The following LINGO2 variants were observed in gnomAD, a reference collection of about 807,000 sequenced individuals.
The protein encoded by LINGO2 is leucine-rich repeat and immunoglobulin-like domain-containing nogo receptor-interacting protein 2.
LINGO2 carries 14 observed loss-of-function variants against 30.6 expected under a neutral mutation model. The ratio of observed to expected loss-of-function variants is 0.46; its 90% CI spans 0.30 to 0.72. The LOEUF is 0.72. Ranked by LOEUF, LINGO2 falls within the 30% of genes least tolerant of loss-of-function variation. The pLI, the probability that LINGO2 is intolerant of heterozygous loss-of-function variation, is 0.07. For missense variants in LINGO2, 729 were observed against 751.7 expected (o/e 0.97, Z 0.35); for synonymous variants, 317 against 288.5 (o/e 1.10, Z -1.00).
chr9:28,212,489 G>T (rs954925875), intron 4 of LINGO2, among the ~76,000 whole-genome samples: 1 of 151,150 alleles, frequency 6.6e-6, no homozygotes, highest in African/African-American at 2.4e-5. Context: ...GTTCATGTAC[G>T]ATGTACATAT....
chr9:28,603,234 G>A (rs2135754072), intron 1 of LINGO2, among the ~76,000 whole-genome samples: 1 of 152,124 alleles, frequency 6.6e-6, no homozygotes, highest in Admixed American at 6.6e-5. Flanking sequence ...GAAAACCAAT[G>A]ACTTGTATTT....
chr9:28,246,139 C>A (rs984293373), intron 4 of LINGO2, among the ~76,000 whole-genome samples: 1 of 151,990 alleles, frequency 6.6e-6, no homozygotes, highest in African/African-American at 2.4e-5. Flanking sequence ...AGAAATAAGA[C>A]CACATGCCAG....
chr9:28,368,886 G>A (rs143768597), intron 3 of LINGO2, among the ~76,000 whole-genome samples: 2 of 151,888 alleles, frequency 1.3e-5, no homozygotes, highest in African/African-American at 4.8e-5. Flanking sequence ...GTGAGCCACC[G>A]TGCCCAGCCT....
the LINGO2 span, among the ~76,000 whole-genome samples, chr9:28,679,270 A>G: frequency 6.6e-6 from 1 of 152,134 alleles, no homozygotes. Flanking sequence ...TATCAAAGCT[A>G]CAATACAGTT....
At chr9:28,501,155 A>C (rs1392273101) in intron 1 of LINGO2, among the ~76,000 whole-genome samples, 1 of 152,182 alleles carries the variant, frequency 6.6e-6, no homozygotes, top group East Asian at 1.9e-4. Flanking sequence ...TGTTGAACAA[A>C]AATTTTATCA....
the LINGO2 span, among the ~76,000 whole-genome samples, chr9:29,108,199 G>GA: frequency 1.3e-5 from 2 of 152,088 alleles, 1 homozygote; most frequent in Non-Finnish European, 2.9e-5. Flanking sequence ...TTAATTGGGA[G>GA]AAAACACACC....
the LINGO2 span, among the ~76,000 whole-genome samples, chr9:28,809,639 G>A: frequency 7.9e-5 from 12 of 151,728 alleles, no homozygotes; most frequent in East Asian, 1.9e-4. Flanking sequence ...CCAGCTACTC[G>A]GGAAGCTGAG....
the LINGO2 span, among the ~76,000 whole-genome samples, chr9:28,889,644 C>G: frequency 1.2e-4 from 19 of 152,142 alleles, no homozygotes; most frequent in South Asian, 3.9e-3. Flanking sequence ...TAACTGGAAT[C>G]TTTTCTACCA....
chr9:29,102,076 A>G, the LINGO2 span, among the ~76,000 whole-genome samples: 3 of 146,874 alleles, frequency 2.0e-5, no homozygotes. Flanking sequence ...GTCTGTTAAC[A>G]TCTGCATCTT....
chr9:28,982,955 G>C, the LINGO2 span, among the ~76,000 whole-genome samples: 1 of 151,662 alleles, frequency 6.6e-6, no homozygotes, highest in African/African-American at 2.4e-5. Context: ...TTGTTTGCTA[G>C]TGACTGACAA....
At chr9:28,357,598 T>C (rs1820272279) in intron 3 of LINGO2, among the ~76,000 whole-genome samples, 1 of 152,026 alleles carries the variant, frequency 6.6e-6, no homozygotes, top group East Asian at 1.9e-4. Flanking sequence ...GTATAGATAG[T>C]CTATGGAAAC....
At chr9:28,999,424 A>G in the LINGO2 span, among the ~76,000 whole-genome samples, 1 of 152,118 alleles carries the variant, frequency 6.6e-6, no homozygotes, top group Non-Finnish European at 1.5e-5. Context: ...TTCAGGGAAA[A>G]GAATACTATC....
the LINGO2 span, among the ~76,000 whole-genome samples, chr9:29,021,737 G>A: frequency 6.7e-6 from 1 of 149,956 alleles, no homozygotes; most frequent in African/African-American, 2.5e-5. Context: ...AGGAAGGAAG[G>A]AAGGAAGGAA....
chr9:29,121,419 C>A, the LINGO2 span, among the ~76,000 whole-genome samples: 1 of 152,056 alleles, frequency 6.6e-6, no homozygotes, highest in Admixed American at 6.6e-5. Context: ...TAAATCATCT[C>A]ATTATCCAAG....
intron 4 of LINGO2, among the ~76,000 whole-genome samples, chr9:28,273,484 C>T (rs1823013625): frequency 6.6e-6 from 1 of 152,178 alleles, no homozygotes; most frequent in Admixed American, 6.5e-5. Flanking sequence ...TAGTAGTGAG[C>T]ATTATTCCCA....
chr9:28,638,126 T>C (rs1381883393), intron 1 of LINGO2, among the ~76,000 whole-genome samples: 1 of 152,208 alleles, frequency 6.6e-6, no homozygotes, highest in Non-Finnish European at 1.5e-5. Context: ...ATTACGTTTA[T>C]TGATTTGCAT....
At chr9:28,764,950 A>T in the LINGO2 span, among the ~76,000 whole-genome samples, 133 of 152,128 alleles carry the variant, frequency 8.7e-4, 2 homozygotes, top group African/African-American at 2.5e-3. Context: ...GAGGATGTGA[A>T]ACACCTAAAC....
intron 4 of LINGO2, among the ~76,000 whole-genome samples, chr9:28,090,985 T>C (rs1826065768): frequency 6.6e-6 from 1 of 151,974 alleles, no homozygotes; most frequent in African/African-American, 2.4e-5. Flanking sequence ...GAGGATAAAA[T>C]ACCTAGGAAT....
chr9:28,167,834 C>T (rs1828475056), intron 4 of LINGO2, among the ~76,000 whole-genome samples: 1 of 152,208 alleles, frequency 6.6e-6, no homozygotes, highest in African/African-American at 2.4e-5. Context: ...AAGAGCCCAC[C>T]AGGTGATTCT....
Sources: gnomAD v4.1 joint callset for allele counts (sites outside exome capture counted in the v4.1 genomes callset) on GRCh38, gnomAD v4.1.1 for gene constraint, MANE v1.5 for transcripts, NCBI Gene and HGNC (gene_info 2026-07-23, HGNC 2026-07-21) for gene names.